Variants in SLCO3A1 observed in about 807,000 individuals in gnomAD.
SLCO3A1 encodes the protein PGE1 transporter.
A neutral mutation model predicts 63.1 loss-of-function variants in SLCO3A1; 27 were observed. The ratio of observed to expected loss-of-function variants is 0.43; its 90% CI spans 0.32 to 0.59. The LOEUF is 0.59. Ranked by LOEUF, SLCO3A1 falls within the 20% of genes least tolerant of loss-of-function variation. The probability of loss-of-function intolerance (pLI) is 0.09; values close to 1 mark genes in which losing one functional copy is unlikely to be tolerated. For missense variants in SLCO3A1, 773 were observed against 945.8 expected, an observed-to-expected ratio of 0.82 and a Z score of 2.40; for synonymous variants, 473 against 409.9, an observed-to-expected ratio of 1.15 and a Z score of -1.86.
At chr15:92,121,622 G>A (rs1208690859) in intron 5 of SLCO3A1, among the ~76,000 whole-genome samples, 1 of 152,168 alleles carries the variant, frequency 6.6e-6, no homozygotes. Flanking sequence ...AGGTTCAGTT[G>A]CCTCAGTAAA....
At chr15:92,148,307 G>A (rs776859728) in intron 8 of SLCO3A1, among the ~76,000 whole-genome samples, 5 of 152,106 alleles carry the variant, frequency 3.3e-5, no homozygotes, top group Non-Finnish European at 5.9e-5. Context: ...GGAATGAAAC[G>A]CATGGAAGTA....
intron 2 of SLCO3A1, among the ~76,000 whole-genome samples, chr15:91,955,154 G>T (rs997295392): frequency 6.6e-6 from 1 of 152,062 alleles, no homozygotes; most frequent in African/African-American, 2.4e-5. Flanking sequence ...CTGTGGGCTT[G>T]GTCCTGTTGT....
intron 1 of SLCO3A1, among the ~76,000 whole-genome samples, chr15:91,913,074 A>G (rs990271501): frequency 2.6e-5 from 4 of 152,258 alleles, no homozygotes; most frequent in African/African-American, 7.2e-5. Flanking sequence ...CTTCTTTGGC[A>G]GTATTTAAAA....
chr15:92,128,305 G>A (rs78439551), intron 6 of SLCO3A1, 46 bp from the exon 7 acceptor site: 648 of 1,612,546 alleles, frequency 4.0e-4, no homozygotes, highest in African/African-American at 6.3e-4. Flanking sequence ...ATCTGATTCC[G>A]AATTGACCTG....
At chr15:92,072,700 G>A (rs894820129) in intron 2 of SLCO3A1, among the ~76,000 whole-genome samples, 4 of 152,060 alleles carry the variant, frequency 2.6e-5, no homozygotes, top group Admixed American at 6.6e-5. Flanking sequence ...GGCGTTCCTT[G>A]GTCTGTGACT....
At chr15:91,926,203 G>C (rs1047223748) in intron 2 of SLCO3A1, among the ~76,000 whole-genome samples, 4 of 152,206 alleles carry the variant, frequency 2.6e-5, no homozygotes, top group African/African-American at 4.8e-5. Flanking sequence ...CAGAGGCATT[G>C]AAGTTACAGG....
At chr15:92,088,416 A>G (rs2047431731) in intron 2 of SLCO3A1, among the ~76,000 whole-genome samples, 1 of 152,256 alleles carries the variant, frequency 6.6e-6, no homozygotes, top group Non-Finnish European at 1.5e-5. Context: ...TATTCCATTC[A>G]TGCATATTAG....
Position 91,853,822 on chromosome 15 carries a change from C to A in SLCO3A1, c.-87C>A. On this transcript the variant is annotated 5_prime_UTR_variant, in exon 1 of 10. Transcript: ENST00000318445. ...GCGGGGACAGCACGCAGCCTCGAGG[C>A]GCGCACCCCCGCCCGGCAGCGGCCC... The A allele has an allele frequency of 8.7e-7, 1 of 1,148,908 alleles. No individual in the cohort carries two copies. Among genetic ancestry groups the A allele is most frequent in the Non-Finnish European group, 1.1e-6 (1 of 937,640 alleles). The allele number at this position is 1,148,908 out of a possible 1,614,324, so 71.2% of individuals were successfully genotyped here. A position where few individuals can be genotyped will look rare whatever the true frequency, so the allele number is the denominator to read the frequency against.
chr15:92,089,228 G>A (rs969820892), intron 2 of SLCO3A1, among the ~76,000 whole-genome samples: 9 of 151,980 alleles, frequency 5.9e-5, no homozygotes, highest in African/African-American at 7.2e-5. Context: ...GGGTTTCACC[G>A]TGTTAGCCAG....
At chr15:91,887,123 G>A (rs968943413) in intron 1 of SLCO3A1, among the ~76,000 whole-genome samples, 4 of 152,220 alleles carry the variant, frequency 2.6e-5, no homozygotes, top group African/African-American at 9.7e-5. Flanking sequence ...GTCTAATTCA[G>A]TGCTGGGTCA....
Position 92,126,002 on chromosome 15 carries a change from G to A in SLCO3A1, c.1175-59G>A, listed in dbSNP as rs538409532. On this transcript the variant is annotated intron_variant, in intron 5 of 9. Coordinates refer to ENST00000318445, the MANE Select transcript of SLCO3A1 (RefSeq NM_013272.4). ...TCAGCCTCAGGCCTGCTGCCCGCCT[G>A]TCTGTAGACTGGCCCCACCTTCCCT... 341 of 1,484,760 alleles carry A rather than the reference G, an allele frequency of 2.3e-4. 6 individuals carry two copies. The South Asian group carries it at 3.4e-3, about 15-fold the overall frequency. The allele number at this position is 1,484,760 out of a possible 1,614,324, so 92.0% of individuals were successfully genotyped here. A position where few individuals can be genotyped will look rare whatever the true frequency, so the allele number is the denominator to read the frequency against.
chr15:91,937,745 G>A (rs1179138028), intron 2 of SLCO3A1, among the ~76,000 whole-genome samples: 1 of 151,536 alleles, frequency 6.6e-6, no homozygotes, highest in Non-Finnish European at 1.5e-5. Flanking sequence ...GTGGGAGTGA[G>A]GCTTATAAAT....
At chr15:91,938,357 C>T (rs1162386505) in intron 2 of SLCO3A1, among the ~76,000 whole-genome samples, 5 of 152,110 alleles carry the variant, frequency 3.3e-5, no homozygotes, top group South Asian at 2.1e-4. Flanking sequence ...TTTGGCAACC[C>T]GTTTAGTTAA....
At chr15:92,146,953 C>A (rs1373011459) in intron 7 of SLCO3A1, 31 bp from the exon 8 acceptor site, 1 of 1,566,006 alleles carries the variant, frequency 6.4e-7, no homozygotes, top group Admixed American at 1.9e-5. Context: ...GAAGTACCCC[C>A]AGATAAAAGG....
intron 2 of SLCO3A1, among the ~76,000 whole-genome samples, chr15:91,961,826 C>A (rs1452485604): frequency 6.6e-6 from 1 of 152,188 alleles, no homozygotes; most frequent in African/African-American, 2.4e-5. Flanking sequence ...ATGAGAGCGA[C>A]CCATTCACTG....
At chr15:91,987,578 C>T (rs935985880) in intron 2 of SLCO3A1, among the ~76,000 whole-genome samples, 1 of 151,912 alleles carries the variant, frequency 6.6e-6, no homozygotes, top group East Asian at 1.9e-4. Context: ...TCCGTCTCTA[C>T]TAGAAGCTAC....
At chr15:91,946,714 G>A (rs1243000529) in intron 2 of SLCO3A1, among the ~76,000 whole-genome samples, 3 of 152,158 alleles carry the variant, frequency 2.0e-5, no homozygotes, top group Non-Finnish European at 2.9e-5. Context: ...TGTCTATGAT[G>A]CAGTTACATG....
intron 9 of SLCO3A1, among the ~76,000 whole-genome samples, chr15:92,153,866 G>T (rs2048338917): frequency 6.6e-6 from 1 of 152,150 alleles, no homozygotes; most frequent in African/African-American, 2.4e-5. Context: ...GGGAAAGGGG[G>T]GACAGAAGAA....
chr15:92,128,240 A>G (rs1433026387), intron 6 of SLCO3A1, 111 bp from the exon 7 acceptor site: 4 of 1,279,642 alleles, frequency 3.1e-6, no homozygotes, highest in Non-Finnish European at 4.4e-6. Flanking sequence ...ACAATCCCAT[A>G]AGCAGGGTAC....
Sources: gnomAD v4.1 joint callset for allele counts (sites outside exome capture counted in the v4.1 genomes callset) on GRCh38, gnomAD v4.1.1 for gene constraint, MANE v1.5 for transcripts, NCBI Gene and HGNC (gene_info 2026-07-23, HGNC 2026-07-21) for gene names.